The following GATAD2A variants were observed in gnomAD, a reference collection of about 807,000 sequenced individuals.
GATAD2A encodes the protein GATA zinc finger domain containing 2A.
Under a neutral mutation model 68.5 loss-of-function variants are expected in GATAD2A, and 12 were observed. The ratio of observed to expected loss-of-function variants is 0.18; its 90% CI spans 0.11 to 0.28. GATAD2A has a LOEUF of 0.28. GATAD2A is among the 10% of genes least tolerant of loss of function. The pLI is 1.00. For missense variants in GATAD2A, 755 were observed against 868.5 expected (o/e 0.87, Z 1.64); for synonymous variants, 410 against 375.3 (o/e 1.09, Z -1.07).
intron 1 of GATAD2A, among the ~76,000 whole-genome samples, chr19:19,415,222 A>C (rs1203524445): frequency 6.7e-6 from 1 of 150,364 alleles, no homozygotes; most frequent in African/African-American, 2.5e-5. Context: ...GCATGATCTC[A>C]GCTCACTGCA....
intron 2 of GATAD2A, among the ~76,000 whole-genome samples, 158 bp downstream of exon 2, chr19:19,465,772 G>A (rs1273463508): frequency 1.3e-5 from 2 of 152,244 alleles, no homozygotes; most frequent in African/African-American, 4.8e-5. Context: ...ACTGGCAGCT[G>A]TGCTGTTGTG....
At chr19:19,467,307 C>T (rs550042620) in intron 2 of GATAD2A, among the ~76,000 whole-genome samples, 2 of 152,090 alleles carry the variant, frequency 1.3e-5, no homozygotes, top group East Asian at 1.9e-4. Context: ...ACCTGGGAGG[C>T]GGAGCTTGCA....
chr19:19,450,020 C>T (rs1375695297), intron 1 of GATAD2A, among the ~76,000 whole-genome samples: 1 of 152,012 alleles, frequency 6.6e-6, no homozygotes, highest in African/African-American at 2.4e-5. Context: ...GAGCTCTTGT[C>T]CTCAAGAGAT....
intron 1 of GATAD2A, chr19:19,457,030 C>A: frequency 2.2e-6 from 2 of 902,738 alleles, no homozygotes; most frequent in Middle Eastern, 5.6e-4. Context: ...GGATGAAACC[C>A]TGAGGATCCC....
chr19:19,479,388 A>G (rs563210799), intron 2 of GATAD2A, among the ~76,000 whole-genome samples: 1 of 152,196 alleles, frequency 6.6e-6, no homozygotes, highest in Non-Finnish European at 1.5e-5. Flanking sequence ...GCCAGGGTCC[A>G]TGTATTATTT....
chr19:19,503,222 TAAG>T (rs1383908082), intron 11 of GATAD2A, among the ~76,000 whole-genome samples: 1 of 152,148 alleles, frequency 6.6e-6, no homozygotes, highest in Non-Finnish European at 1.5e-5. Context: ...AGGGCCAAGT[TAAG>T]GAGATGGGCA....
chr19:19,414,242 A>G (rs2051304327), intron 1 of GATAD2A, among the ~76,000 whole-genome samples: 1 of 152,180 alleles, frequency 6.6e-6, no homozygotes. Context: ...GGAGTTGGGT[A>G]GCAGACAAAC....
At chr19:19,480,320 G>T (rs563521263) in intron 2 of GATAD2A, among the ~76,000 whole-genome samples, 1 of 152,318 alleles carries the variant, frequency 6.6e-6, no homozygotes, top group African/African-American at 2.4e-5. Context: ...TCATCATTTA[G>T]TGTCACAAAA....
intron 1 of GATAD2A, among the ~76,000 whole-genome samples, chr19:19,395,984 G>A (rs1303407172): frequency 2.0e-5 from 3 of 152,104 alleles, no homozygotes; most frequent in Non-Finnish European, 4.4e-5. Context: ...TACAGCAAGC[G>A]GCCAGACTGT....
chr19:19,495,076 G>C (rs2148424144), intron 5 of GATAD2A, among the ~76,000 whole-genome samples: 1 of 149,936 alleles, frequency 6.7e-6, no homozygotes, highest in Non-Finnish European at 1.5e-5. Context: ...GCTGACTGTA[G>C]CCTCTGCCTT....
chr19:19,476,049 T>A (rs2058659658), intron 2 of GATAD2A, among the ~76,000 whole-genome samples: 1 of 152,182 alleles, frequency 6.6e-6, no homozygotes, highest in South Asian at 2.1e-4. Context: ...CCCTGTTGCC[T>A]TTAGACGCCC....
At chr19:19,392,761 A>G (rs1448802105) in intron 1 of GATAD2A, among the ~76,000 whole-genome samples, 1 of 150,512 alleles carries the variant, frequency 6.6e-6, no homozygotes, top group Non-Finnish European at 1.5e-5. Context: ...TAGTGGCACA[A>G]TCTTGGCTCA....
At chr19:19,407,553 A>G (rs1416732902) in intron 1 of GATAD2A, among the ~76,000 whole-genome samples, 1 of 152,210 alleles carries the variant, frequency 6.6e-6, no homozygotes, top group Non-Finnish European at 1.5e-5. Context: ...GAGCCCACAA[A>G]TGCTGCAGTT....
chr19:19,429,154 T>C (rs2053444011), intron 1 of GATAD2A: 4 of 982,126 alleles, frequency 4.1e-6, no homozygotes, highest in African/African-American at 1.7e-5. Flanking sequence ...GCAAGCGCCT[T>C]GTGTCCATGG....
At chr19:19,424,692 A>G (rs563955360) in intron 1 of GATAD2A, among the ~76,000 whole-genome samples, 5 of 152,184 alleles carry the variant, frequency 3.3e-5, no homozygotes, top group African/African-American at 1.2e-4. Context: ...ACTTTTGACC[A>G]TGTGACACAC....
intron 1 of GATAD2A, among the ~76,000 whole-genome samples, chr19:19,454,098 A>G (rs1049873515): frequency 2.1e-4 from 32 of 151,934 alleles, no homozygotes; most frequent in Non-Finnish European, 2.5e-4. Context: ...CCTGGGTTCA[A>G]GCAGTTCTCC....
chr19:19,470,124 A>G (rs2058172853), intron 2 of GATAD2A, among the ~76,000 whole-genome samples: 1 of 151,584 alleles, frequency 6.6e-6, no homozygotes, highest in Admixed American at 6.6e-5. Flanking sequence ...AAAAATTACT[A>G]GAGCCAAACT....
chr19:19,425,980 G>A (rs1479087629), intron 1 of GATAD2A, among the ~76,000 whole-genome samples: 1 of 152,072 alleles, frequency 6.6e-6, no homozygotes, highest in Non-Finnish European at 1.5e-5. Flanking sequence ...TAGGGATGGT[G>A]TTTTGCTATG....
intron 2 of GATAD2A, among the ~76,000 whole-genome samples, chr19:19,481,573 A>G (rs1262848000): frequency 6.6e-6 from 1 of 151,650 alleles, no homozygotes. Context: ...TCATCCTCTC[A>G]CCTCAGCCTC....
Sources: allele counts gnomAD v4.1 joint callset (sites outside exome capture counted in the v4.1 genomes callset), GRCh38; gene constraint gnomAD v4.1.1; transcripts MANE v1.5; gene names NCBI Gene and HGNC (gene_info 2026-07-23, HGNC 2026-07-21).